Variants in PHF20 observed in about 807,000 individuals in gnomAD.
The protein encoded by PHF20 is PHD finger protein 20, also known as glioma-expressed antigen 2.
Under a neutral mutation model 113.5 loss-of-function variants are expected in PHF20, and 23 were observed. That is an observed-to-expected ratio of 0.20 (90% CI 0.15 to 0.29). The LOEUF (loss-of-function observed/expected upper bound fraction) is 0.29. Among genes scored for constraint, PHF20 ranks in the 10% least tolerant of loss-of-function variants. The probability of loss-of-function intolerance (pLI) is 1.00; values close to 1 mark genes in which losing one functional copy is unlikely to be tolerated. For synonymous variants in PHF20, 434 were observed against 457.3 expected, an observed-to-expected ratio of 0.95 and a Z score of 0.65; for missense variants, 943 against 1,219.6, an observed-to-expected ratio of 0.77 and a Z score of 3.38.
intron 2 of PHF20, among the ~76,000 whole-genome samples, chr20:35,822,846 TAAAAAAAA>T (rs780275666): frequency 1.8e-5 from 1 of 55,536 alleles, no homozygotes; most frequent in African/African-American, 7.4e-5. Flanking sequence ...ACCCTGCTTC[TAAAAAAAA>T]AAAAAAAAAA....
intron 4 of PHF20, among the ~76,000 whole-genome samples, chr20:35,857,470 A>T (rs540627513): frequency 6.6e-6 from 1 of 152,094 alleles, no homozygotes; most frequent in African/African-American, 2.4e-5. Flanking sequence ...CTATTTTAGA[A>T]CATTGTATCA....
At chr20:35,924,946 A>G (rs1471734452) in intron 13 of PHF20, among the ~76,000 whole-genome samples, 1 of 151,936 alleles carries the variant, frequency 6.6e-6, no homozygotes, top group Non-Finnish European at 1.5e-5. Flanking sequence ...TCCACCTGAA[A>G]TTTTGCCAGG....
chr20:35,917,499 G>A lies in PHF20; in HGVS notation c.1841G>A (p.Ser614Asn), dbSNP rs372485588. The A allele has an allele frequency of 3.1e-6, 5 of 1,613,714 alleles. No individual in the cohort carries two copies. The highest frequency in any genetic ancestry group is 4.2e-6 in the Non-Finnish European group (5 of 1,179,704). The change falls in exon 13 of 18, where the codon AGT becomes AAT. Residue 614 changes from serine to asparagine, a missense_variant. Physicochemically the swap from Ser to Asn is conservative, Grantham distance 46. Around this residue, in one of 3 missense-constraint regions of PHF20, gnomAD observed 592 missense variants for 787.2 expected, o/e 0.75. Transcript: ENST00000374012. Reference protein sequence around the residue: ...KVKALEEDNLSESSSESFLWS... With the variant: ...KVKALEEDNLNESSSESFLWS... Reference sequence around the variant, plus strand: ...TTCCTCGTAGAGGAGGATAATTTGAGTGAGTCCTCTTCTGAGAGCTTTCTC... The same window carrying A: ...TTCCTCGTAGAGGAGGATAATTTGAATGAGTCCTCTTCTGAGAGCTTTCTC...
At chr20:35,926,302 A>G (rs972891660) in intron 13 of PHF20, among the ~76,000 whole-genome samples, 6 of 123,678 alleles carry the variant, frequency 4.9e-5, no homozygotes, top group African/African-American at 1.9e-4. Context: ...CAGTGGCGCA[A>G]TCTCGGCTCA....
chr20:35,858,489 C>T (rs540669069), intron 5 of PHF20, 108 bp downstream of exon 5: 1 of 592,244 alleles, frequency 1.7e-6, no homozygotes, highest in Non-Finnish European at 3.0e-6. Context: ...TGTTTATTTC[C>T]TCCATCTGAC....
chr20:35,811,445 CTT>C (rs1392193315), intron 2 of PHF20, among the ~76,000 whole-genome samples: 9 of 139,758 alleles, frequency 6.4e-5, no homozygotes, highest in Admixed American at 7.2e-5. Context: ...TAAGTCCCAG[CTT>C]TTTTTTTTTT....
At position 35,793,974 on chromosome 20, in the gene PHF20, G is replaced by A. The variant is rs376492320; in HGVS notation, c.-32-7517G>A. Among the ~76,000 whole-genome samples the A allele has an allele frequency of 2.0e-4, 25 of 123,414 alleles. 1 individual carries two copies. The highest frequency in any genetic ancestry group is 1.6e-3 in the Admixed American group (16 of 9,878). 81.0% of individuals were successfully genotyped at this position (123,414 alleles called of 152,430 possible). On this transcript the variant is annotated intron_variant, in intron 1 of 17. Coordinates refer to ENST00000374012, the MANE Select transcript of PHF20 (RefSeq NM_016436.5). ...TTGCACCTTGCACGCTGGGCTGGGC[G>A]ACAAGAGCGGGACTCTGTCTCAAAA...
intron 9 of PHF20, among the ~76,000 whole-genome samples, chr20:35,882,425 G>A (rs569184540): frequency 1.3e-5 from 2 of 152,138 alleles, no homozygotes. Context: ...ATTTATTTAT[G>A]TATTCATTCA....
intron 2 of PHF20, among the ~76,000 whole-genome samples, chr20:35,821,917 A>T (rs1164956693): frequency 1.3e-5 from 2 of 152,214 alleles, no homozygotes. Context: ...TCTCGGTACC[A>T]GTAGATGGAA....
intron 15 of PHF20, among the ~76,000 whole-genome samples, chr20:35,937,426 C>G (rs1380359568): frequency 6.6e-6 from 1 of 151,224 alleles, no homozygotes; most frequent in Non-Finnish European, 1.5e-5. Context: ...CGAGATCGCA[C>G]CATTGCACTC....
intron 9 of PHF20, among the ~76,000 whole-genome samples, chr20:35,894,759 C>A (rs1425636947): frequency 6.6e-6 from 1 of 152,206 alleles, no homozygotes; most frequent in Non-Finnish European, 1.5e-5. Flanking sequence ...TGGAAGAACT[C>A]GGTTTTGAAA....
chr20:35,826,876 T>C (rs754692883), intron 2 of PHF20, among the ~76,000 whole-genome samples: 19 of 152,128 alleles, frequency 1.2e-4, no homozygotes, highest in Non-Finnish European at 1.9e-4. Context: ...GAAAGATAAA[T>C]TTAAGACCTT....
At chr20:35,799,422 C>T (rs982878092) in intron 1 of PHF20, among the ~76,000 whole-genome samples, 6 of 150,556 alleles carry the variant, frequency 4.0e-5, no homozygotes, top group Admixed American at 6.7e-5. Flanking sequence ...GCTATGATAG[C>T]GCCACTGCAT....
Position 35,814,600 on chromosome 20 carries a change from G to A in PHF20, c.83+12995G>A, listed in dbSNP as rs1254706388. On this transcript the variant is annotated intron_variant, in intron 2 of 17. Transcript: ENST00000374012. ...TCAAAAATAAATAAATAGGCCGGGC[G>A]CGGTGGCTCACGCCTGTAATCCCAG... 2.0e-5 allele frequency among the ~76,000 whole-genome samples: 3 copies of A among 150,900 alleles called. No homozygotes were observed. In the East Asian group the frequency reaches 6.0e-4, roughly 30 times the overall value.
intron 3 of PHF20, among the ~76,000 whole-genome samples, chr20:35,846,162 T>C (rs1027774171): frequency 6.6e-6 from 1 of 152,106 alleles, no homozygotes; most frequent in South Asian, 2.1e-4. Flanking sequence ...CCATTTGACT[T>C]TTCAGTGTTC....
chr20:35,782,391 TCTC>T (rs2041319415), intron 1 of PHF20: 1 of 152,058 alleles, frequency 6.6e-6, no homozygotes. Flanking sequence ...TTCAAGCAAT[TCTC>T]CTGCCTCAGC....
chr20:35,892,923 T>C (rs2054903410), intron 9 of PHF20, among the ~76,000 whole-genome samples: 1 of 152,378 alleles, frequency 6.6e-6, no homozygotes, highest in African/African-American at 2.4e-5. Flanking sequence ...CTTCTTTTGA[T>C]GTTTATTCCA....
At chr20:35,891,443 C>T (rs1336366548) in intron 9 of PHF20, among the ~76,000 whole-genome samples, 1 of 150,918 alleles carries the variant, frequency 6.6e-6, no homozygotes, top group Non-Finnish European at 1.5e-5. Context: ...TAAACAAAAC[C>T]AACTGTTATA....
chr20:35,824,199 T>G (rs1375235647), intron 2 of PHF20, among the ~76,000 whole-genome samples: 1 of 152,216 alleles, frequency 6.6e-6, no homozygotes, highest in East Asian at 1.9e-4. Context: ...CAGGAATGTA[T>G]GAGAATTCCA....
Sources: allele counts gnomAD v4.1 joint callset (sites outside exome capture counted in the v4.1 genomes callset), GRCh38; gene constraint gnomAD v4.1.1; regional missense constraint gnomAD v4.1.1; transcripts MANE v1.5; gene names NCBI Gene and HGNC (gene_info 2026-07-23, HGNC 2026-07-21).